The following NCAM1 variants were observed in gnomAD, a reference collection of about 807,000 sequenced individuals.
NCAM1 encodes the protein neural cell adhesion molecule 1.
In NCAM1, 14 loss-of-function variants were observed where a neutral mutation model predicts 109.8. The ratio of observed to expected loss-of-function variants is 0.13; its 90% CI spans 0.08 to 0.20. The LOEUF (loss-of-function observed/expected upper bound fraction) is 0.20. NCAM1 is among the 10% of genes least tolerant of loss of function. The pLI, the probability that NCAM1 is intolerant of heterozygous loss-of-function variation, is 1.00. For missense variants in NCAM1, 774 were observed against 1,109.9 expected (o/e 0.70, Z 4.30); for synonymous variants, 418 against 442.9 (o/e 0.94, Z 0.70).
chr11:113,161,575 C>G (rs1216912359), intron 1 of NCAM1, among the ~76,000 whole-genome samples: 1 of 152,132 alleles, frequency 6.6e-6, no homozygotes, highest in African/African-American at 2.4e-5. Flanking sequence ...GGTTAAACCT[C>G]TTATAAAAAA....
At chr11:113,033,419 C>T (rs1160739565) in intron 1 of NCAM1, among the ~76,000 whole-genome samples, 1 of 152,048 alleles carries the variant, frequency 6.6e-6, no homozygotes, top group Non-Finnish European at 1.5e-5. Context: ...TTAAAACAAG[C>T]GTGGAGACAG....
intron 1 of NCAM1, among the ~76,000 whole-genome samples, chr11:113,167,405 T>C (rs1183991938): frequency 1.3e-5 from 2 of 152,110 alleles, no homozygotes; most frequent in Non-Finnish European, 2.9e-5. Context: ...AGCCTCCTGA[T>C]ATGGTGCTGA....
intron 9 of NCAM1, among the ~76,000 whole-genome samples, chr11:113,230,097 AAAAG>A (rs1183887559): frequency 3.3e-5 from 5 of 152,122 alleles, no homozygotes; most frequent in Admixed American, 2.0e-4. Context: ...AAAAAAAAGA[AAAAG>A]AAAAGAAAAT....
chr11:112,986,624 A>G (rs1951312863), intron 1 of NCAM1, among the ~76,000 whole-genome samples: 1 of 151,972 alleles, frequency 6.6e-6, no homozygotes, highest in African/African-American at 2.4e-5. Context: ...CTATTTCTTC[A>G]TAATTTATTA....
At chr11:113,187,056 T>A (rs1161550330) in intron 1 of NCAM1, among the ~76,000 whole-genome samples, 1 of 152,244 alleles carries the variant, frequency 6.6e-6, no homozygotes, top group Non-Finnish European at 1.5e-5. Flanking sequence ...CTTTGCAGGT[T>A]TGCCTCTTGC....
At chr11:113,141,681 G>A (rs1424063448) in intron 1 of NCAM1, among the ~76,000 whole-genome samples, 1 of 151,928 alleles carries the variant, frequency 6.6e-6, no homozygotes, top group Admixed American at 6.6e-5. Flanking sequence ...TAGTGAAGCT[G>A]AAGGGATTTT....
intron 9 of NCAM1, among the ~76,000 whole-genome samples, chr11:113,223,841 C>G (rs1161894819): frequency 6.6e-6 from 1 of 152,200 alleles, no homozygotes; most frequent in Non-Finnish European, 1.5e-5. Context: ...CAGGTCAGCA[C>G]AGCCCTTTAG....
intron 1 of NCAM1, among the ~76,000 whole-genome samples, chr11:113,129,908 G>C (rs959095699): frequency 6.6e-6 from 1 of 152,210 alleles, no homozygotes; most frequent in Non-Finnish European, 1.5e-5. Context: ...TTCAGGTTTT[G>C]CTGTGTTAGA....
At chr11:113,239,331 G>A (rs1358138984) in intron 14 of NCAM1, among the ~76,000 whole-genome samples, 8 of 152,112 alleles carry the variant, frequency 5.3e-5, no homozygotes. Flanking sequence ...CTTGAGACGG[G>A]CTGCTTGTGT....
intron 1 of NCAM1, among the ~76,000 whole-genome samples, chr11:113,056,284 G>C (rs942424085): frequency 4.8e-4 from 73 of 151,436 alleles, no homozygotes; most frequent in Non-Finnish European, 9.0e-4. Flanking sequence ...ATTGATTAAT[G>C]GTTGCAAAAC....
chr11:113,151,014 A>G (rs1339605457), intron 1 of NCAM1, among the ~76,000 whole-genome samples: 1 of 152,216 alleles, frequency 6.6e-6, no homozygotes, highest in African/African-American at 2.4e-5. Context: ...TCTAATAAGT[A>G]GTAGGAGCAG....
intron 1 of NCAM1, among the ~76,000 whole-genome samples, chr11:113,187,545 G>T (rs1275042416): frequency 2.3e-5 from 3 of 131,756 alleles, no homozygotes; most frequent in Non-Finnish European, 4.9e-5. Context: ...GAGGATCTGT[G>T]TGTGTGTGTG....
Position 113,256,007 on chromosome 11 carries a change from T to C in NCAM1, c.1953+6T>C, listed in dbSNP as rs374199044. On this transcript the variant is annotated splice_donor_region_variant and intron_variant, in intron 16 of 19. Transcript: ENST00000316851. ...ATCTGGTCAGGTACCGAGCGGTGAGTGGCCTCCTTCTCAGACTTCACCAGA... is the reference window on the plus strand; with the variant it reads ...ATCTGGTCAGGTACCGAGCGGTGAGCGGCCTCCTTCTCAGACTTCACCAGA... 6.3e-7 allele frequency: 1 copy of C among 1,594,380 alleles called. No individual in the cohort carries two copies. Among genetic ancestry groups the C allele is most frequent in the Non-Finnish European group, 8.5e-7 (1 of 1,170,686 alleles).
chr11:113,209,702 A>C (rs1489956377), intron 7 of NCAM1, among the ~76,000 whole-genome samples: 1 of 152,254 alleles, frequency 6.6e-6, no homozygotes, highest in African/African-American at 2.4e-5. Flanking sequence ...CCAAGTTTAC[A>C]AGATGAATAA....
chr11:113,111,172 C>A (rs1555093614), intron 1 of NCAM1, among the ~76,000 whole-genome samples: 1 of 152,136 alleles, frequency 6.6e-6, no homozygotes, highest in Non-Finnish European at 1.5e-5. Context: ...ATTTAAATAT[C>A]ATACACAGCA....
chr11:113,024,684 T>G (rs1952485537), intron 1 of NCAM1, among the ~76,000 whole-genome samples: 1 of 152,190 alleles, frequency 6.6e-6, no homozygotes, highest in African/African-American at 2.4e-5. Context: ...AACTTCAGAC[T>G]TATGGTATGG....
chr11:113,169,036 C>CTGTGTGTG (rs10562516), intron 1 of NCAM1, among the ~76,000 whole-genome samples: 7 of 146,878 alleles, frequency 4.8e-5, no homozygotes, highest in African/African-American at 1.3e-4. Flanking sequence ...CTTCCTCTTT[C>CTGTGTGTG]TGTGTGTGTG....
intron 1 of NCAM1, among the ~76,000 whole-genome samples, chr11:113,144,517 A>T (rs1296645264): frequency 6.6e-6 from 1 of 152,228 alleles, no homozygotes; most frequent in African/African-American, 2.4e-5. Flanking sequence ...TATATATTTT[A>T]AAAAATGGAA....
chr11:113,267,518 T>A (rs1404329728), intron 17 of NCAM1, among the ~76,000 whole-genome samples: 3 of 149,572 alleles, frequency 2.0e-5, no homozygotes, highest in African/African-American at 7.4e-5. Context: ...CTGGAGGGAG[T>A]GTTCCAGGCA....
Sources: allele counts gnomAD v4.1 joint callset (sites outside exome capture counted in the v4.1 genomes callset), GRCh38; gene constraint gnomAD v4.1.1; transcripts MANE v1.5; gene names NCBI Gene and HGNC (gene_info 2026-07-23, HGNC 2026-07-21).